DIP2C: variants seen among roughly 807,000 people sequenced by gnomAD.
DIP2C encodes disco-interacting protein 2 homolog C.
DIP2C carries 33 observed loss-of-function variants against 192.4 expected under a neutral mutation model. The observed-to-expected ratio is 0.17, with a 90% CI of 0.13 to 0.23. The LOEUF (loss-of-function observed/expected upper bound fraction) is 0.23. Ranked by LOEUF, DIP2C falls within the 10% of genes least tolerant of loss-of-function variation. DIP2C has a pLI of 1.00. For missense variants in DIP2C, 1,537 were observed against 2,110.1 expected, an observed-to-expected ratio of 0.73 and a Z score of 5.32; for synonymous variants, 979 against 864.1, an observed-to-expected ratio of 1.13 and a Z score of -2.33.
At chr10:424,862 T>G (rs1966469609) in intron 4 of DIP2C, among the ~76,000 whole-genome samples, 1 of 152,184 alleles carries the variant, frequency 6.6e-6, no homozygotes, top group African/African-American at 2.4e-5. Context: ...GATAATATGA[T>G]ATAGACACTC....
chr10:283,151 A>T, intron 35 of DIP2C, 121 bp downstream of exon 35: 1 of 1,332,810 alleles, frequency 7.5e-7, no homozygotes, highest in Non-Finnish European at 1.0e-6. Flanking sequence ...ACTGGGTTGT[A>T]GCTAGCACAC....
At chr10:493,538 T>C (rs1458081928) in intron 1 of DIP2C, among the ~76,000 whole-genome samples, 3 of 152,088 alleles carry the variant, frequency 2.0e-5, no homozygotes, top group Non-Finnish European at 4.4e-5. Flanking sequence ...TGTAGAAGAA[T>C]ACCCAGCATG....
chr10:575,451 A>G lies in DIP2C; in HGVS notation c.86-88921T>C, dbSNP rs531338863. Among the ~76,000 whole-genome samples the G allele has an allele frequency of 8.5e-5, 13 of 152,324 alleles. 1 individual carries two copies. In the South Asian group the frequency reaches 2.5e-3, roughly 29 times the overall value. The stretch of plus-strand genomic sequence containing the variant: ...GGATCAAGTGTGCTGAGGCCGTCCT[A>G]GGACTGAAACTCAGCTTCTGCCAAA... On this transcript the variant is annotated intron_variant, in intron 1 of 36. Transcript: ENST00000280886.
intron 1 of DIP2C, among the ~76,000 whole-genome samples, chr10:587,004 A>G (rs1851084865): frequency 7.1e-6 from 1 of 141,088 alleles, no homozygotes; most frequent in Non-Finnish European, 1.6e-5. Flanking sequence ...GGCGAGGTGC[A>G]AACAGTGCAG....
intron 32 of DIP2C, among the ~76,000 whole-genome samples, chr10:301,721 C>T (rs186694552): frequency 1.9e-3 from 293 of 152,336 alleles, no homozygotes; most frequent in African/African-American, 6.4e-3. Flanking sequence ...CGGGAGCCCG[C>T]CTCTGGTAAC....
chr10:522,179 C>T (rs549344117), intron 1 of DIP2C, among the ~76,000 whole-genome samples: 1 of 152,276 alleles, frequency 6.6e-6, no homozygotes, highest in African/African-American at 2.4e-5. Context: ...TGGACTCAGA[C>T]AGCAGGCAGC....
intron 1 of DIP2C, among the ~76,000 whole-genome samples, chr10:532,529 G>T (rs1338983923): frequency 7.3e-6 from 1 of 136,324 alleles, no homozygotes; most frequent in Admixed American, 7.4e-5. Context: ...GTGGGTGTGT[G>T]AGAGAGTATG....
intron 2 of DIP2C, among the ~76,000 whole-genome samples, chr10:472,906 A>C (rs1970745405): frequency 6.6e-6 from 1 of 152,248 alleles, no homozygotes; most frequent in Admixed American, 6.5e-5. Context: ...TAATGTAATA[A>C]ATATACAGAA....
chr10:585,269 T>C (rs1199508055), intron 1 of DIP2C, among the ~76,000 whole-genome samples: 1 of 152,214 alleles, frequency 6.6e-6, no homozygotes. Context: ...TTTCTCTCCC[T>C]GGGACACCAG....
At chr10:615,632 C>CCACA (rs10685439) in intron 1 of DIP2C, among the ~76,000 whole-genome samples, 2 of 151,534 alleles carry the variant, frequency 1.3e-5, no homozygotes, top group Admixed American at 6.6e-5. Context: ...CACACCCGCC[C>CCACA]CACACACACA....
At chr10:364,350 C>T in intron 20 of DIP2C, 24 bp downstream of exon 20, 1 of 1,598,144 alleles carries the variant, frequency 6.3e-7, no homozygotes, top group South Asian at 1.1e-5. Flanking sequence ...AAACCATATG[C>T]TTGATTTGCA....
chr10:288,177 A>G (rs1472235909), intron 33 of DIP2C, among the ~76,000 whole-genome samples, 187 bp downstream of exon 33: 1 of 152,090 alleles, frequency 6.6e-6, no homozygotes, highest in African/African-American at 2.4e-5. Context: ...CCTAACTTTT[A>G]CCTGAGGAAA....
intron 29 of DIP2C, among the ~76,000 whole-genome samples, chr10:338,198 G>A (rs559775687): frequency 3.3e-5 from 5 of 152,326 alleles, no homozygotes; most frequent in Admixed American, 6.5e-5. Context: ...AAATTAAAAC[G>A]TTAAGGTTAA....
At position 548,911 on chromosome 10, in the gene DIP2C, CAAAA is replaced by C. The variant is rs61437915; in HGVS notation, c.86-62385_86-62382del. The stretch of plus-strand genomic sequence containing the variant: ...CATTGCAGGAAAAAATAGCAGCTCA[CAAAA>C]AAAAAAAAAAAAAAAAAAAAAAAGT... On this transcript the variant is annotated intron_variant, in intron 1 of 36. Transcript: ENST00000280886. 8.1e-3 allele frequency among the ~76,000 whole-genome samples: 214 copies of C among 26,452 alleles called. 1 individual carries two copies. Among genetic ancestry groups the C allele is most frequent in the African/African-American group, 0.021 (156 of 7,420 alleles). 17.4% of individuals were successfully genotyped at this position (26,452 alleles called of 152,430 possible).
chr10:441,180 T>G (rs756923171), intron 3 of DIP2C, 184 bp from the exon 4 acceptor site: 137 of 641,364 alleles, frequency 2.1e-4, no homozygotes, highest in Non-Finnish European at 3.1e-4. Context: ...ATTCACAGAC[T>G]TTTAATCATT....
chr10:415,517 TTAGA>T (rs1299699437), intron 7 of DIP2C, among the ~76,000 whole-genome samples: 1 of 152,136 alleles, frequency 6.6e-6, no homozygotes, highest in Non-Finnish European at 1.5e-5. Flanking sequence ...TACAGAGTTC[TTAGA>T]GAGAGACCTG....
rs772285836 is a variant in DIP2C at position 348,755 on chromosome 10, G to C, written c.3117C>G (p.Asp1039Glu). 6.2e-7 allele frequency: 1 copy of C among 1,613,508 alleles called. No individual in the cohort carries two copies. The highest frequency in any genetic ancestry group is 1.3e-5 in the African/African-American group (1 of 75,016). Reference sequence around the variant, plus strand: ...GGCAACCATAAAACGCTGCTATCAGGTCTATTCCTACACAAGGAGAGAAAC... The same window carrying C: ...GGCAACCATAAAACGCTGCTATCAGCTCTATTCCTACACAAGGAGAGAAAC... ...HVALVYPPGIDLIAAFYGCLY... is the reference protein window; with the variant it reads ...HVALVYPPGIELIAAFYGCLY... The change falls in exon 26 of 37, where the codon GAC becomes GAG. Residue 1039 changes from aspartate to glutamate, a missense_variant. By Grantham distance (45) the Asp-to-Glu change is conservative (BLOSUM62 2). Transcript: ENST00000280886.
chr10:568,008 G>A (rs1368595964), intron 1 of DIP2C, among the ~76,000 whole-genome samples: 1 of 152,116 alleles, frequency 6.6e-6, no homozygotes, highest in Admixed American at 6.5e-5. Context: ...TTCCCACACC[G>A]ACTACAACAC....
intron 15 of DIP2C, among the ~76,000 whole-genome samples, 160 bp downstream of exon 15, chr10:384,386 C>T (rs1393599866): frequency 4.0e-5 from 6 of 149,894 alleles, no homozygotes; most frequent in South Asian, 4.2e-4. Context: ...TATAGGCATG[C>T]GCCATCAGGC....
Sources: allele counts gnomAD v4.1 joint callset (sites outside exome capture counted in the v4.1 genomes callset), GRCh38; gene constraint gnomAD v4.1.1; transcripts MANE v1.5; gene names NCBI Gene and HGNC (gene_info 2026-07-23, HGNC 2026-07-21).